NR1H4: variants seen among roughly 807,000 people sequenced by gnomAD.
The protein encoded by NR1H4 is nuclear receptor subfamily 1 group H member 4.
In NR1H4, 23 loss-of-function variants were observed where a neutral mutation model predicts 58.5. The observed-to-expected ratio is 0.39, with a 90% CI of 0.28 to 0.56. The LOEUF (loss-of-function observed/expected upper bound fraction) is 0.56. Among genes scored for constraint, NR1H4 ranks in the 20% least tolerant of loss-of-function variants. NR1H4 has a pLI of 0.58. For missense variants in NR1H4, 487 were observed against 576.9 expected, an observed-to-expected ratio of 0.84 and a Z score of 1.60; for synonymous variants, 214 against 198.0, an observed-to-expected ratio of 1.08 and a Z score of -0.68.
chr12:100,563,196 A>T (rs552374656), intron 10 of NR1H4, 55 bp from the exon 11 acceptor site: 3 of 1,341,616 alleles, frequency 2.2e-6, no homozygotes, highest in African/African-American at 2.9e-5. Context: ...AATTATGCTG[A>T]ATTAATGCTT....
chr12:100,524,761 C>A (rs1305833188), intron 4 of NR1H4, among the ~76,000 whole-genome samples: 2 of 152,278 alleles, frequency 1.3e-5, no homozygotes, highest in Admixed American at 6.5e-5. Context: ...GTTTTCTTTG[C>A]TTTTTGTATT....
intron 9 of NR1H4, among the ~76,000 whole-genome samples, chr12:100,547,750 C>T (rs1450903215): frequency 6.6e-6 from 1 of 151,708 alleles, no homozygotes; most frequent in Non-Finnish European, 1.5e-5. Flanking sequence ...GACAGAGTCT[C>T]ACTCTGTCGC....
intron 1 of NR1H4, among the ~76,000 whole-genome samples, chr12:100,483,572 C>T (rs114761006): frequency 0.012 from 1,855 of 152,236 alleles, 41 homozygotes; most frequent in African/African-American, 0.042. Flanking sequence ...TCTATTTATT[C>T]TAAATCTGTA....
At chr12:100,538,336 G>A (rs1038145791) in intron 8 of NR1H4, among the ~76,000 whole-genome samples, 1 of 152,148 alleles carries the variant, frequency 6.6e-6, no homozygotes, top group African/African-American at 2.4e-5. Flanking sequence ...TACTGCACAA[G>A]TCCAGGCAAC....
intron 4 of NR1H4, among the ~76,000 whole-genome samples, chr12:100,524,635 A>G (rs1037908150): frequency 3.7e-4 from 57 of 152,172 alleles, no homozygotes; most frequent in Non-Finnish European, 2.9e-5. Context: ...ATTTTGTCAA[A>G]GAAATGAGTG....
chr12:100,479,174 A>T (rs1048158180), intron 1 of NR1H4, among the ~76,000 whole-genome samples: 2 of 151,902 alleles, frequency 1.3e-5, no homozygotes, highest in African/African-American at 4.8e-5. Context: ...ATCCATTTTT[A>T]TATATTTAGC....
intron 4 of NR1H4, among the ~76,000 whole-genome samples, chr12:100,531,829 T>C (rs181123235): frequency 7.9e-5 from 12 of 152,276 alleles, no homozygotes; most frequent in Admixed American, 1.3e-4. Context: ...TGCTTTTAGC[T>C]CAAGGTTGGC....
At chr12:100,517,044 A>C (rs1178045409) in intron 4 of NR1H4, among the ~76,000 whole-genome samples, 6 of 151,760 alleles carry the variant, frequency 4.0e-5, no homozygotes, top group Non-Finnish European at 7.4e-5. Flanking sequence ...AGAATATTAA[A>C]AAACCTCTCT....
At chr12:100,540,301 C>T (rs1954905367) in intron 8 of NR1H4, among the ~76,000 whole-genome samples, 1 of 152,184 alleles carries the variant, frequency 6.6e-6, no homozygotes, top group Non-Finnish European at 1.5e-5. Flanking sequence ...ATAAAGTTTT[C>T]TTCTGGCTTG....
intron 9 of NR1H4, among the ~76,000 whole-genome samples, chr12:100,543,707 C>T (rs1463863018): frequency 6.6e-6 from 1 of 152,048 alleles, no homozygotes; most frequent in African/African-American, 2.4e-5. Context: ...TTTAGCTAGT[C>T]ACTAGGCCAG....
intron 4 of NR1H4, among the ~76,000 whole-genome samples, chr12:100,512,268 C>A (rs1259876819): frequency 6.6e-6 from 1 of 151,964 alleles, no homozygotes; most frequent in African/African-American, 2.4e-5. Flanking sequence ...TAATACAGTT[C>A]TGTTATGGAT....
At chr12:100,540,632 G>A in intron 8 of NR1H4, 40 bp from the exon 9 acceptor site, 2 of 1,599,876 alleles carry the variant, frequency 1.3e-6, no homozygotes, top group Non-Finnish European at 8.6e-7. Context: ...ATGAAATATT[G>A]TTACTCCTTG....
At chr12:100,563,091 G>T (rs892419054) in intron 10 of NR1H4, among the ~76,000 whole-genome samples, 160 bp from the exon 11 acceptor site, 7 of 152,132 alleles carry the variant, frequency 4.6e-5, no homozygotes, top group Non-Finnish European at 8.8e-5. Context: ...TTATAATTAC[G>T]TGTGTGTGCA....
intron 4 of NR1H4, among the ~76,000 whole-genome samples, chr12:100,513,575 A>G (rs1039435478): frequency 6.6e-6 from 1 of 152,152 alleles, no homozygotes; most frequent in Non-Finnish European, 1.5e-5. Flanking sequence ...TGGGGGGATC[A>G]CCTAAGGTCA....
chr12:100,503,524 G>A (rs755684009), intron 3 of NR1H4: 7 of 1,559,432 alleles, frequency 4.5e-6, no homozygotes, highest in Admixed American at 1.8e-5. Context: ...GGTGCTTTCA[G>A]GTCGAGCTCT....
At chr12:100,519,705 C>A (rs1954363814) in intron 4 of NR1H4, among the ~76,000 whole-genome samples, 1 of 152,082 alleles carries the variant, frequency 6.6e-6, no homozygotes, top group Non-Finnish European at 1.5e-5. Flanking sequence ...CCTCGTCTTC[C>A]AGGATCCCAA....
chr12:100,542,577 G>A (rs1363233591), intron 9 of NR1H4, among the ~76,000 whole-genome samples: 2 of 152,114 alleles, frequency 1.3e-5, no homozygotes, highest in African/African-American at 2.4e-5. Context: ...GGTTGGGAGT[G>A]GGGAATGAAT....
chr12:100,542,156 G>T (rs1053938943), intron 9 of NR1H4, among the ~76,000 whole-genome samples: 1 of 151,630 alleles, frequency 6.6e-6, no homozygotes, highest in African/African-American at 2.4e-5. Context: ...GACCAGCCTG[G>T]CCAACATAGT....
intron 1 of NR1H4, among the ~76,000 whole-genome samples, chr12:100,488,723 G>A (rs1210432173): frequency 6.6e-6 from 1 of 152,144 alleles, no homozygotes; most frequent in Non-Finnish European, 1.5e-5. Context: ...TTCTTAAAAG[G>A]ATAAGGGAGG....
Sources: allele counts gnomAD v4.1 joint callset (sites outside exome capture counted in the v4.1 genomes callset), GRCh38; gene constraint gnomAD v4.1.1; transcripts MANE v1.5; gene names NCBI Gene and HGNC (gene_info 2026-07-23, HGNC 2026-07-21).